Variants in UGGT2 observed in about 807,000 individuals in gnomAD.
UGGT2 encodes UDP-glucose:glycoprotein glucosyltransferase 2.
A neutral mutation model predicts 192.1 loss-of-function variants in UGGT2; 180 were observed. The ratio of observed to expected loss-of-function variants is 0.94; its 90% CI spans 0.83 to 1.06. The LOEUF (loss-of-function observed/expected upper bound fraction) is 1.06, where lower values mean the gene tolerates loss of function less well. Among genes scored for constraint, UGGT2 ranks in the 50% least tolerant of loss-of-function variants. The pLI, the probability that UGGT2 is intolerant of heterozygous loss-of-function variation, is 0.00. For missense variants in UGGT2, 1,849 were observed against 1,795.7 expected (o/e 1.03, Z -0.54); for synonymous variants, 580 against 591.0 (o/e 0.98, Z 0.27).
intron 31 of UGGT2, among the ~76,000 whole-genome samples, chr13:95,863,140 G>C (rs1341438477): frequency 6.6e-6 from 1 of 152,192 alleles, no homozygotes; most frequent in Non-Finnish European, 1.5e-5. Context: ...TAGGATTACA[G>C]GTGTGAGCCA....
chr13:95,930,127 GTTAT>G (rs556577198), intron 17 of UGGT2, among the ~76,000 whole-genome samples: 84 of 152,160 alleles, frequency 5.5e-4, no homozygotes, highest in African/African-American at 1.8e-3. Flanking sequence ...TTTTAATGGG[GTTAT>G]TTATTCTTTG....
chr13:95,853,689 T>G, intron 35 of UGGT2, 32 bp from the exon 36 acceptor site: 1 of 1,469,486 alleles, frequency 6.8e-7, no homozygotes, highest in Non-Finnish European at 9.1e-7. Context: ...TGATAGCCTA[T>G]GTTGTTTATG....
At chr13:95,869,630 T>C (rs979398280) in intron 29 of UGGT2, among the ~76,000 whole-genome samples, 9 of 152,188 alleles carry the variant, frequency 5.9e-5, no homozygotes, top group East Asian at 1.9e-4. Context: ...TAGATCCAAA[T>C]TGAGTCTAGA....
At chr13:95,865,145 T>C (rs1197296281) in intron 30 of UGGT2, among the ~76,000 whole-genome samples, 2 of 152,198 alleles carry the variant, frequency 1.3e-5, no homozygotes, top group African/African-American at 4.8e-5. Context: ...GTGGACTCTT[T>C]TGACATGAAC....
At chr13:95,850,818 C>T (rs1413995907) in intron 36 of UGGT2, among the ~76,000 whole-genome samples, 4 of 152,212 alleles carry the variant, frequency 2.6e-5, no homozygotes, top group African/African-American at 9.6e-5. Flanking sequence ...CTCACAGAAA[C>T]TTAGCACCAT....
chr13:95,930,926 G>A (rs914459212), intron 17 of UGGT2, among the ~76,000 whole-genome samples: 5 of 152,180 alleles, frequency 3.3e-5, no homozygotes, highest in African/African-American at 9.6e-5. Context: ...CGGACCCAAA[G>A]ACTGAGCAGC....
chr13:95,866,795 G>C (rs778252823), intron 30 of UGGT2, among the ~76,000 whole-genome samples: 1 of 152,116 alleles, frequency 6.6e-6, no homozygotes, highest in Non-Finnish European at 1.5e-5. Flanking sequence ...AGAAGTTTCT[G>C]TGCTTGCTTA....
intron 36 of UGGT2, among the ~76,000 whole-genome samples, chr13:95,845,416 T>A (rs932348087): frequency 1.6e-5 from 2 of 128,428 alleles, no homozygotes; most frequent in Non-Finnish European, 3.4e-5. Flanking sequence ...ACAAAGCACA[T>A]CTTGCACCGC....
In UGGT2 at chr13:95,860,769, G is replaced by A. The variant is rs747153586; in HGVS notation, c.3740+19C>T. Reference sequence around the variant, plus strand: ...TAAATATTTCTTTTTCAAAATATAAGGTTAAAAAATATACCTACCTTAAAA... The same window carrying A: ...TAAATATTTCTTTTTCAAAATATAAAGTTAAAAAATATACCTACCTTAAAA... On this transcript the variant is annotated intron_variant, in intron 32 of 38. Coordinates refer to ENST00000376747, the MANE Select transcript of UGGT2 (RefSeq NM_020121.4). 7.2e-7 allele frequency: 1 copy of A among 1,394,166 alleles called. No homozygotes were observed. Among genetic ancestry groups the A allele is most frequent in the Non-Finnish European group, 9.6e-7 (1 of 1,044,786 alleles). 86.4% of individuals were successfully genotyped at this position (1,394,166 alleles called of 1,614,324 possible).
chr13:95,858,662 T>A (rs565376995), intron 33 of UGGT2, among the ~76,000 whole-genome samples: 1 of 152,284 alleles, frequency 6.6e-6, no homozygotes, highest in South Asian at 2.1e-4. Context: ...TTTATTTGTG[T>A]CCTTTTGCTA....
At chr13:95,975,790 T>C (rs1025611215) in intron 10 of UGGT2, among the ~76,000 whole-genome samples, 2 of 152,148 alleles carry the variant, frequency 1.3e-5, no homozygotes, top group African/African-American at 4.8e-5. Context: ...TGATACACAC[T>C]CTGAAATTTA....
Position 95,828,873 on chromosome 13 carries a change from T to C in UGGT2, c.4528+4054A>G, listed in dbSNP as rs541510202. On this transcript the variant is annotated intron_variant, in intron 38 of 38. Coordinates refer to ENST00000376747, the MANE Select transcript of UGGT2 (RefSeq NM_020121.4). ...CTGGGAGAGTCACAACAACAAAAGATAATTTTAGACCAATATCCCTGATGA... is the reference window on the plus strand; with the variant it reads ...CTGGGAGAGTCACAACAACAAAAGACAATTTTAGACCAATATCCCTGATGA... 2.6e-5 allele frequency among the ~76,000 whole-genome samples: 4 copies of C among 152,098 alleles called. No homozygotes were observed. In the East Asian group the frequency reaches 7.7e-4, roughly 29 times the overall value.
At chr13:95,881,900 G>A (rs76872787) in intron 27 of UGGT2, among the ~76,000 whole-genome samples, 159 of 147,400 alleles carry the variant, frequency 1.1e-3, no homozygotes, top group Non-Finnish European at 2.0e-3. Context: ...AAAAGTAACT[G>A]TCTCACTTTT....
Position 95,940,095 on chromosome 13 carries a change from T to C in UGGT2, c.1678-4A>G, listed in dbSNP as rs200400458. ...CCTTCTTCACTTTTTGGTACATCTG[T>C]GAAAATTTAGATATTATAATTAATT... On this transcript the variant is annotated splice_polypyrimidine_tract_variant and splice_region_variant and intron_variant, in intron 15 of 38. Transcript: ENST00000376747. The C allele has an allele frequency of 1.7e-4, 254 of 1,453,516 alleles. 2 individuals carry two copies. In the East Asian group the frequency reaches 6.5e-3, roughly 37 times the overall value. 90.0% of individuals were successfully genotyped at this position (1,453,516 alleles called of 1,614,324 possible). A position where few individuals can be genotyped will look rare whatever the true frequency, so the allele number is the denominator to read the frequency against.
chr13:95,884,446 T>G (rs933389072), intron 27 of UGGT2, 45 bp downstream of exon 27: 21 of 1,443,118 alleles, frequency 1.5e-5, no homozygotes, highest in Non-Finnish European at 1.6e-5. Flanking sequence ...TGATAAGAAT[T>G]TATCCTGTTT....
At chr13:95,870,615 T>C (rs913105171) in intron 29 of UGGT2, among the ~76,000 whole-genome samples, 13 of 152,198 alleles carry the variant, frequency 8.5e-5, no homozygotes, top group African/African-American at 3.1e-4. Flanking sequence ...TTCCTTGGCT[T>C]TGTTCTCAAG....
chr13:95,836,093 G>A (rs1280919426), intron 37 of UGGT2, among the ~76,000 whole-genome samples: 1 of 152,058 alleles, frequency 6.6e-6, no homozygotes, highest in Non-Finnish European at 1.5e-5. Context: ...CTTGTCTCCA[G>A]GCTGGAGTGT....
At chr13:95,940,741 C>T (rs1372314970) in intron 15 of UGGT2, among the ~76,000 whole-genome samples, 2 of 151,002 alleles carry the variant, frequency 1.3e-5, no homozygotes, top group African/African-American at 4.8e-5. Context: ...AGGAACTTGC[C>T]ACCACATCTG....
At chr13:95,834,684 T>G (rs1887096874) in intron 37 of UGGT2, among the ~76,000 whole-genome samples, 1 of 152,158 alleles carries the variant, frequency 6.6e-6, no homozygotes, top group Admixed American at 6.6e-5. Context: ...AACACCAAAA[T>G]TTGTGCCACT....
Sources: gnomAD v4.1 joint callset for allele counts (sites outside exome capture counted in the v4.1 genomes callset) on GRCh38, gnomAD v4.1.1 for gene constraint, MANE v1.5 for transcripts, NCBI Gene and HGNC (gene_info 2026-07-23, HGNC 2026-07-21) for gene names.